ABCA12: variants seen among roughly 807,000 people sequenced by gnomAD.
ABCA12 encodes ATP binding cassette subfamily A member 12.
ABCA12 carries 156 observed loss-of-function variants against 293.5 expected under a neutral mutation model. The observed-to-expected ratio is 0.53, with a 90% CI of 0.47 to 0.61. The LOEUF (loss-of-function observed/expected upper bound fraction) is 0.61, where lower values mean the gene tolerates loss of function less well. Ranked by LOEUF, ABCA12 falls within the 20% of genes least tolerant of loss-of-function variation. ABCA12 has a pLI of 0.00. For missense variants in ABCA12, 2,797 were observed against 3,090.2 expected, an observed-to-expected ratio of 0.91 and a Z score of 2.25; for synonymous variants, 1,063 against 1,108.0, an observed-to-expected ratio of 0.96 and a Z score of 0.81.
At chr2:215,018,766 T>A (rs945983744) in intron 13 of ABCA12, among the ~76,000 whole-genome samples, 1 of 152,252 alleles carries the variant, frequency 6.6e-6, no homozygotes, top group African/African-American at 2.4e-5. Context: ...TGCCTTTCCA[T>A]CTAAGTATCC....
chr2:215,064,623 G>A (rs1701602868), intron 2 of ABCA12, among the ~76,000 whole-genome samples: 1 of 151,506 alleles, frequency 6.6e-6, no homozygotes. Context: ...AAGTGTTTAT[G>A]ACACATTGTT....
At chr2:214,988,268 C>A (rs934519325) in intron 26 of ABCA12, among the ~76,000 whole-genome samples, 1 of 152,166 alleles carries the variant, frequency 6.6e-6, no homozygotes, top group African/African-American at 2.4e-5. Context: ...CATATCATTT[C>A]TCTCATAACA....
At chr2:215,040,268 G>T (rs535864935) in intron 7 of ABCA12, among the ~76,000 whole-genome samples, 3 of 151,966 alleles carry the variant, frequency 2.0e-5, no homozygotes, top group African/African-American at 7.2e-5. Flanking sequence ...TATCAAAAAG[G>T]CAAACTATAC....
chr2:214,987,890 T>C (rs1050963974), intron 26 of ABCA12, 97 bp from the exon 27 acceptor site: 13 of 1,477,020 alleles, frequency 8.8e-6, no homozygotes, highest in African/African-American at 2.8e-5. Context: ...GTTTAGGAAG[T>C]AGTTTTATTT....
chr2:214,987,563 GA>G, intron 27 of ABCA12, 83 bp downstream of exon 27: 4 of 1,510,810 alleles, frequency 2.6e-6, no homozygotes, highest in Non-Finnish European at 3.6e-6. Context: ...TTGCCATTTA[GA>G]AAAAAATAAT....
chr2:214,986,802 T>C (rs894625646), intron 27 of ABCA12, 74 bp from the exon 28 acceptor site: 20 of 1,348,492 alleles, frequency 1.5e-5, no homozygotes, highest in Middle Eastern at 1.8e-4. Context: ...TTTATCTTTA[T>C]TAAAAATTTA....
At chr2:215,003,144 C>T (rs2105991481) in intron 20 of ABCA12, among the ~76,000 whole-genome samples, 1 of 152,222 alleles carries the variant, frequency 6.6e-6, no homozygotes, top group South Asian at 2.1e-4. Context: ...TACGTCCCAG[C>T]AGTGCCAGGG....
intron 2 of ABCA12, among the ~76,000 whole-genome samples, chr2:215,082,217 G>A (rs1330576121): frequency 6.6e-6 from 1 of 151,672 alleles, no homozygotes. Context: ...GCTAATTTTT[G>A]TATTTTTAGT....
intron 39 of ABCA12, chr2:214,963,055 GAAATAACC>G (rs1409739871): frequency 6.6e-6 from 1 of 151,794 alleles, no homozygotes; most frequent in African/African-American, 2.4e-5. Context: ...CAGAAGATAA[GAAATAACC>G]AAGATCAGAG....
chr2:215,108,423 T>C (rs1702505424), intron 2 of ABCA12, among the ~76,000 whole-genome samples: 1 of 152,164 alleles, frequency 6.6e-6, no homozygotes. Flanking sequence ...GACTACTAGA[T>C]GTAAGAAATG....
At chr2:214,932,762 A>C in intron 52 of ABCA12, 21 bp from the exon 53 acceptor site, 1 of 1,577,004 alleles carries the variant, frequency 6.3e-7, no homozygotes, top group Non-Finnish European at 8.7e-7. Context: ...AGGGAAAATA[A>C]AGCCATTAAT....
intron 2 of ABCA12, among the ~76,000 whole-genome samples, chr2:215,082,043 CTTTT>C (rs549072917): frequency 8.8e-6 from 1 of 113,156 alleles, no homozygotes. Flanking sequence ...ATTGTTAATT[CTTTT>C]TTTTTTTTTT....
intron 17 of ABCA12, among the ~76,000 whole-genome samples, chr2:215,011,164 G>C (rs1223580231): frequency 6.6e-6 from 1 of 152,158 alleles, no homozygotes; most frequent in Non-Finnish European, 1.5e-5. Context: ...GATAGTCTTT[G>C]TAGCAGAGTA....
intron 39 of ABCA12, among the ~76,000 whole-genome samples, chr2:214,966,245 G>GA (rs1699255400): frequency 6.6e-6 from 1 of 152,192 alleles, no homozygotes; most frequent in African/African-American, 2.4e-5. Context: ...GAGCGCAGAG[G>GA]ATGGAAGGAG....
chr2:215,062,424 G>C (rs1321217200), intron 3 of ABCA12, among the ~76,000 whole-genome samples: 2 of 151,988 alleles, frequency 1.3e-5, no homozygotes, highest in African/African-American at 4.8e-5. Flanking sequence ...GCCTAGAACT[G>C]TGCCGTTCTC....
intron 2 of ABCA12, among the ~76,000 whole-genome samples, chr2:215,097,619 G>T (rs1048898201): frequency 2.0e-5 from 3 of 152,144 alleles, no homozygotes; most frequent in African/African-American, 7.2e-5. Flanking sequence ...CCTAAAGCTT[G>T]CGATTAACCT....
chr2:215,137,104 A>ACACC (rs1344753677), intron 1 of ABCA12, among the ~76,000 whole-genome samples: 1 of 152,108 alleles, frequency 6.6e-6, no homozygotes. Flanking sequence ...TTCAAACCCC[A>ACACC]CACCCATGCA....
chr2:215,014,004 A>G (rs187635351), intron 15 of ABCA12, among the ~76,000 whole-genome samples: 121 of 152,220 alleles, frequency 7.9e-4, no homozygotes, highest in Non-Finnish European at 1.1e-3. Flanking sequence ...AACATGATAC[A>G]ACCCCATCCC....
intron 39 of ABCA12, chr2:214,960,363 C>G (rs2105939586): frequency 6.6e-6 from 1 of 152,178 alleles, no homozygotes; most frequent in African/African-American, 2.4e-5. Flanking sequence ...TAAGGGAGAA[C>G]TTTTCTTTTA....
Sources: gnomAD v4.1 joint callset for allele counts (sites outside exome capture counted in the v4.1 genomes callset) on GRCh38, gnomAD v4.1.1 for gene constraint, MANE v1.5 for transcripts, NCBI Gene and HGNC (gene_info 2026-07-23, HGNC 2026-07-21) for gene names.